PITPNM2: variants seen among roughly 807,000 people sequenced by gnomAD.
PITPNM2 encodes the protein membrane-associated phosphatidylinositol transfer protein 2.
PITPNM2 carries 35 observed loss-of-function variants against 132.2 expected under a neutral mutation model. The observed-to-expected ratio is 0.26, with a 90% CI of 0.20 to 0.35. PITPNM2 has a LOEUF of 0.35. Ranked by LOEUF, PITPNM2 falls within the 10% of genes least tolerant of loss-of-function variation. The probability of loss-of-function intolerance (pLI) is 1.00; values close to 1 mark genes in which losing one functional copy is unlikely to be tolerated. For missense variants in PITPNM2, 1,332 were observed against 1,912.0 expected (o/e 0.70, Z 5.66); for synonymous variants, 738 against 799.2 (o/e 0.92, Z 1.29).
Position 123,078,407 on chromosome 12 carries a change from C to T in PITPNM2, c.-96+31978G>A, listed in dbSNP as rs987784597. Among the ~76,000 whole-genome samples the T allele has an allele frequency of 4.6e-5, 7 of 152,234 alleles. No individual in the cohort carries two copies. The highest frequency in any genetic ancestry group is 6.5e-5 in the Admixed American group (1 of 15,290). On this transcript the variant is annotated intron_variant, in intron 2 of 25. Transcript: ENST00000320201. The surrounding 1 kb of genome is among the most constrained non-coding windows in gnomAD (Gnocchi z 7.3). ...AAGGGAGGAGATGGGGGCTTTCTCGCCTGGCTCGTGGTGCTCCGCTGCCCC... is the reference window on the plus strand; with the variant it reads ...AAGGGAGGAGATGGGGGCTTTCTCGTCTGGCTCGTGGTGCTCCGCTGCCCC...
chr12:122,985,413 C>T lies in PITPNM2; in HGVS notation c.*614G>A, dbSNP rs1196966774. The T allele has an allele frequency of 6.6e-6, 1 of 152,436 alleles. No homozygotes were observed. Among genetic ancestry groups the T allele is most frequent in the Non-Finnish European group, 1.5e-5 (1 of 68,046 alleles). The allele number at this position is 152,436 out of a possible 1,614,324, so 9.4% of individuals were successfully genotyped here. ...CGGGGTGCAGAAATTAAGATACAGCCTTTCTCTCCTGCTTGCACGAGGCTC... is the reference window on the plus strand; with the variant it reads ...CGGGGTGCAGAAATTAAGATACAGCTTTTCTCTCCTGCTTGCACGAGGCTC... On this transcript the variant is annotated 3_prime_UTR_variant, in exon 26 of 26. Transcript: ENST00000320201.
At chr12:123,147,454 G>A (rs1188166257) in intron 1 of PITPNM2, among the ~76,000 whole-genome samples, 2 of 151,912 alleles carry the variant, frequency 1.3e-5, no homozygotes, top group African/African-American at 2.4e-5. Context: ...ACACCACCAC[G>A]CCCAGCTAGC....
At chr12:123,100,433 C>T (rs1254423482) in intron 2 of PITPNM2, among the ~76,000 whole-genome samples, 2 of 152,212 alleles carry the variant, frequency 1.3e-5, no homozygotes, top group Non-Finnish European at 2.9e-5. Context: ...CGAGACCAGC[C>T]TGACCAACAT....
rs754352910 is a variant in PITPNM2 at position 123,005,298 on chromosome 12, G to A, written c.894C>T (p.Arg298=). The change falls in exon 7 of 26, where the codon CGC becomes CGT. Residue 298 remains arginine, a synonymous_variant. Coordinates refer to ENST00000320201, the MANE Select transcript of PITPNM2 (RefSeq NM_020845.3). This position sits in a 1 kb window ranked among gnomAD's most constrained non-coding sequence, Gnocchi z 6.2. Reference sequence around the variant, plus strand: ...ATGTGGACCACTGTTTCTTGAGGCCGCGCCCCACTAGGGGCTCCCCATTGC... The same window carrying A: ...ATGTGGACCACTGTTTCTTGAGGCCACGCCCCACTAGGGGCTCCCCATTGC... ...SSSNGEPLVG[R]GLKKQWSTSS... 30 of 1,613,864 alleles carry A rather than the reference G, an allele frequency of 1.9e-5. No individual in the cohort carries two copies. The highest frequency in any genetic ancestry group is 6.7e-5 in the African/African-American group (5 of 74,882).
At position 123,144,816 on chromosome 12, in the gene PITPNM2, C is replaced by T. The variant is rs541494550; in HGVS notation, c.-200+5937G>A. Among the ~76,000 whole-genome samples the T allele has an allele frequency of 2.0e-5, 3 of 152,330 alleles. No individual in the cohort carries two copies. The South Asian group carries it at 6.2e-4, about 32-fold the overall frequency. On this transcript the variant is annotated intron_variant, in intron 1 of 25. Coordinates refer to ENST00000320201, the MANE Select transcript of PITPNM2 (RefSeq NM_020845.3). ...CTGACCTCAGGTAATCCACCCGCCT[C>T]GGCCTCCCAAAGTGCTGGGATTATA...
At position 123,106,829 on chromosome 12, in the gene PITPNM2, C is replaced by T. The variant is rs1324496831; in HGVS notation, c.-96+3556G>A. 1.3e-5 allele frequency among the ~76,000 whole-genome samples: 2 copies of T among 152,246 alleles called. No homozygotes were observed. The highest frequency in any genetic ancestry group is 4.8e-5 in the African/African-American group (2 of 41,474). On this transcript the variant is annotated intron_variant, in intron 2 of 25. Transcript: ENST00000320201. The surrounding 1 kb of genome is among the most constrained non-coding windows in gnomAD (Gnocchi z 4.4). Reference sequence around the variant, plus strand: ...CTCCATAACCTCCCCATGCTCTGGGCTCTCTGGGCAGCCTTCTAACATGCG... The same window carrying T: ...CTCCATAACCTCCCCATGCTCTGGGTTCTCTGGGCAGCCTTCTAACATGCG...
intron 1 of PITPNM2, among the ~76,000 whole-genome samples, chr12:123,125,541 C>T (rs766860422): frequency 1.3e-5 from 2 of 151,956 alleles, no homozygotes; most frequent in Admixed American, 6.6e-5. Context: ...AATAGCAGAA[C>T]GCAAAGAAAA....
chr12:123,088,091 C>G (rs555265129), intron 2 of PITPNM2: 163 of 152,364 alleles, frequency 1.1e-3, no homozygotes, highest in African/African-American at 3.7e-3. Context: ...GCAAGTCCTC[C>G]AAGGTCGTGC....
chr12:123,000,078 C>T lies in PITPNM2; in HGVS notation c.1224+700G>A, dbSNP rs960189987. 6.6e-6 allele frequency among the ~76,000 whole-genome samples: 1 copy of T among 150,986 alleles called. No individual in the cohort carries two copies. The highest frequency in any genetic ancestry group is 2.4e-5 in the African/African-American group (1 of 41,040). On this transcript the variant is annotated intron_variant, in intron 10 of 25. Coordinates refer to ENST00000320201, the MANE Select transcript of PITPNM2 (RefSeq NM_020845.3). This position sits in a 1 kb window ranked among gnomAD's most constrained non-coding sequence, Gnocchi z 5.4. ...AGGGGGAGGCTGTGTGGATGTCCCT[C>T]CTCCTCCCCGCCTAGATTCCCCGGG...
intron 20 of PITPNM2, 97 bp from the exon 21 acceptor site, chr12:122,987,998 G>A (rs1172073350): frequency 3.4e-5 from 38 of 1,133,708 alleles, no homozygotes; most frequent in Non-Finnish European, 4.8e-5. Flanking sequence ...GCAGGCTTGA[G>A]CTGTGAGCTG....
chr12:123,051,133 G>C (rs1402906097), intron 2 of PITPNM2, among the ~76,000 whole-genome samples: 1 of 152,216 alleles, frequency 6.6e-6, no homozygotes, highest in Non-Finnish European at 1.5e-5. Flanking sequence ...CTGACACCTT[G>C]TCCTAGGCCT....
chr12:123,089,660 C>T (rs956598412), intron 2 of PITPNM2: 1 of 152,210 alleles, frequency 6.6e-6, no homozygotes, highest in Non-Finnish European at 1.5e-5. Context: ...ACTATCACTA[C>T]TCATGCAAAC....
At chr12:122,986,874 G>A in intron 23 of PITPNM2, 45 bp from the exon 24 acceptor site, 1 of 1,543,196 alleles carries the variant, frequency 6.5e-7, no homozygotes, top group Non-Finnish European at 8.8e-7. Context: ...CCTCCCTCCT[G>A]GGCCTCCCTG....
At chr12:123,134,089 C>A (rs866763731) in intron 1 of PITPNM2, among the ~76,000 whole-genome samples, 1 of 151,674 alleles carries the variant, frequency 6.6e-6, no homozygotes, top group African/African-American at 2.4e-5. Context: ...TTTTTTAGAT[C>A]GAGTCTCGCT....
intron 2 of PITPNM2, among the ~76,000 whole-genome samples, chr12:123,049,105 G>C (rs2040774504): frequency 6.6e-6 from 1 of 152,024 alleles, no homozygotes; most frequent in Non-Finnish European, 1.5e-5. Flanking sequence ...CTGCACTCCA[G>C]CCTGGGTGAC....
intron 2 of PITPNM2, among the ~76,000 whole-genome samples, chr12:123,071,813 C>T (rs534945767): frequency 1.4e-5 from 2 of 146,182 alleles, no homozygotes; most frequent in South Asian, 4.5e-4. Context: ...GATTAAGCAG[C>T]TTCTGTGGGT....
In PITPNM2 at chr12:123,010,075, A is replaced by C. The variant is rs753990187; in HGVS notation, c.418T>G (p.Phe140Val). The part of the protein sequence containing the change: ...PVEKNQLTID[F>V]IDIVKDPVPH... ...ACAGGGTCTTTGACAATGTCGATGA[A>C]GTCTGTGGGTAAACCCTTAGAGTGG... Residue 140 changes from phenylalanine (F) to valine (V), a missense_variant and splice_region_variant, in exon 6 of 26, where the codon TTC becomes GTC. Physicochemically the swap from Phe to Val is conservative, Grantham distance 50. Transcript: ENST00000320201. The C allele has an allele frequency of 6.2e-7, 1 of 1,612,808 alleles. No individual in the cohort carries two copies. The highest frequency in any genetic ancestry group is 1.1e-5 in the South Asian group (1 of 91,048).
chr12:123,148,860 G>T, intron 1 of PITPNM2, among the ~76,000 whole-genome samples: 1 of 152,060 alleles, frequency 6.6e-6, no homozygotes, highest in East Asian at 1.9e-4. Flanking sequence ...ATCAGAAGAG[G>T]GACCAATTCC....
At chr12:122,991,681 G>A in intron 16 of PITPNM2, 1 of 1,270,388 alleles carries the variant, frequency 7.9e-7, no homozygotes, top group Non-Finnish European at 9.9e-7. Context: ...AGGAGGGCAT[G>A]GATTGGGGGG....
Sources: allele counts gnomAD v4.1 joint callset (sites outside exome capture counted in the v4.1 genomes callset), GRCh38; gene constraint gnomAD v4.1.1; non-coding constraint Gnocchi (gnomAD v3.1); transcripts MANE v1.5; gene names NCBI Gene and HGNC (gene_info 2026-07-23, HGNC 2026-07-21).